The following ADAMTS18 variants were observed in gnomAD, a reference collection of about 807,000 sequenced individuals.
ADAMTS18 encodes the protein A disintegrin and metalloproteinase with thrombospondin motifs 18.
Under a neutral mutation model 165.9 loss-of-function variants are expected in ADAMTS18, and 157 were observed. That is an observed-to-expected ratio of 0.95 (90% CI 0.83 to 1.08). The LOEUF (loss-of-function observed/expected upper bound fraction) is 1.08. Ranked by LOEUF, ADAMTS18 falls within the 50% of genes least tolerant of loss-of-function variation. The pLI, the probability that ADAMTS18 is intolerant of heterozygous loss-of-function variation, is 0.00. For missense variants in ADAMTS18, 2,040 were observed against 1,534.0 expected (o/e 1.33, Z -5.51); for synonymous variants, 782 against 578.2 (o/e 1.35, Z -5.06).
intron 10 of ADAMTS18, among the ~76,000 whole-genome samples, chr16:77,344,005 T>G (rs1567499783): frequency 2.0e-5 from 3 of 151,496 alleles, no homozygotes; most frequent in Non-Finnish European, 4.4e-5. Flanking sequence ...TCATGTAGAT[T>G]TTACAGTTAG....
intron 16 of ADAMTS18, among the ~76,000 whole-genome samples, chr16:77,307,373 T>C (rs540231753): frequency 6.6e-6 from 1 of 152,340 alleles, no homozygotes; most frequent in Admixed American, 6.5e-5. Flanking sequence ...ATTGCTATTA[T>C]GTGTGAGTGA....
chr16:77,354,264 A>C (rs2144715111), intron 9 of ADAMTS18, among the ~76,000 whole-genome samples: 1 of 152,354 alleles, frequency 6.6e-6, no homozygotes, highest in South Asian at 2.1e-4. Context: ...AAAGGTACAA[A>C]ATAAACCAGA....
chr16:77,427,588 G>C lies in ADAMTS18; in HGVS notation c.495+3707C>G, dbSNP rs371513540. Among the ~76,000 whole-genome samples, 3 of 152,116 alleles carry C rather than the reference G, an allele frequency of 2.0e-5. No individual in the cohort carries two copies. The South Asian group carries it at 6.2e-4, about 32-fold the overall frequency. Reference sequence around the variant, plus strand: ...ATCCTAGCACCTTCACAGATTATAAGGCCACCTGGTATAAAAAACAGGGGT... The same window carrying C: ...ATCCTAGCACCTTCACAGATTATAACGCCACCTGGTATAAAAAACAGGGGT... On this transcript the variant is annotated intron_variant, in intron 3 of 22. Coordinates refer to ENST00000282849, the MANE Select transcript of ADAMTS18 (RefSeq NM_199355.4).
intron 3 of ADAMTS18, among the ~76,000 whole-genome samples, chr16:77,369,970 TCAA>T (rs2056853293): frequency 6.6e-6 from 1 of 151,994 alleles, no homozygotes; most frequent in South Asian, 2.1e-4. Flanking sequence ...ATTAACAGAA[TCAA>T]CAACGAAAAA....
chr16:77,382,136 A>T (rs2057039907), intron 3 of ADAMTS18, among the ~76,000 whole-genome samples: 1 of 152,232 alleles, frequency 6.6e-6, no homozygotes, highest in African/African-American at 2.4e-5. Flanking sequence ...ATCCACAATA[A>T]TAAAAGATAC....
Position 77,291,426 on chromosome 16 carries a change from T to C in ADAMTS18, c.3242A>G (p.Glu1081Gly), listed in dbSNP as rs1206105030. The C allele has an allele frequency of 6.2e-7, 1 of 1,614,196 alleles. No homozygotes were observed. The change falls in exon 21 of 23, where the codon GAG becomes GGG. Residue 1081 changes from glutamate (E) to glycine (G), a missense_variant. Transcript: ENST00000282849. Reference protein sequence around the residue: ...GVRKREMKCSEKGFQGKLITF... With the variant: ...GVRKREMKCSGKGFQGKLITF... Reference sequence around the variant, plus strand: ...TATCAGCTTTCCCTGGAAGCCCTTCTCGCTGCACTTCATCTCCCTCTTCCT... The same window carrying C: ...TATCAGCTTTCCCTGGAAGCCCTTCCCGCTGCACTTCATCTCCCTCTTCCT...
chr16:77,370,107 A>G (rs1046723292), intron 3 of ADAMTS18, among the ~76,000 whole-genome samples: 2 of 152,208 alleles, frequency 1.3e-5, no homozygotes, highest in African/African-American at 4.8e-5. Context: ...ATATATGACA[A>G]ACTCCCAGCT....
intron 19 of ADAMTS18, among the ~76,000 whole-genome samples, chr16:77,293,607 C>T (rs1465253533): frequency 1.3e-5 from 2 of 151,814 alleles, no homozygotes; most frequent in Non-Finnish European, 2.9e-5. Flanking sequence ...TCCCTCCTGA[C>T]CCCTAATTCC....
chr16:77,434,729 A>G lies in ADAMTS18; in HGVS notation c.-34T>C, dbSNP rs995120478. The G allele has an allele frequency of 1.3e-5, 18 of 1,409,264 alleles. No homozygotes were observed. The highest frequency in any genetic ancestry group is 1.7e-5 in the Non-Finnish European group (18 of 1,081,694). The allele number at this position is 1,409,264 out of a possible 1,614,324, so 87.3% of individuals were successfully genotyped here. A position where few individuals can be genotyped will look rare whatever the true frequency, so the allele number is the denominator to read the frequency against. The stretch of plus-strand genomic sequence containing the variant: ...GCGGACGCGGCGGCTGCGGGTGGCC[A>G]GACGCGGCAGGCGGAGCGCACGGGC... On this transcript the variant is annotated 5_prime_UTR_variant, in exon 1 of 23. Coordinates refer to ENST00000282849, the MANE Select transcript of ADAMTS18 (RefSeq NM_199355.4).
Position 77,353,827 on chromosome 16 carries a change from G to A in ADAMTS18, c.1520C>T (p.Pro507Leu), listed in dbSNP as rs747514231. The change falls in exon 10 of 23, where the codon CCG (proline) becomes CTG (leucine). Residue 507 changes from proline (P) to leucine (L), a missense_variant. Physicochemically the swap from Pro to Leu is moderately conservative, Grantham distance 98. Transcript: ENST00000282849. ...ATAAATCTGTCCTGGTAGTTTGTCCGGATATTTATACTGTCCTGCTTGCTT... is the reference window on the plus strand; with the variant it reads ...ATAAATCTGTCCTGGTAGTTTGTCCAGATATTTATACTGTCCTGCTTGCTT... Reference protein sequence around the residue: ...EPKQAGQYKYPDKLPGQIYDA... With the variant: ...EPKQAGQYKYLDKLPGQIYDA... 2.5e-5 allele frequency: 41 copies of A among 1,613,958 alleles called. No individual in the cohort carries two copies. The highest frequency in any genetic ancestry group is 2.5e-4 in the African/African-American group (19 of 74,902).
At chr16:77,411,220 C>A (rs1168583036) in intron 3 of ADAMTS18, among the ~76,000 whole-genome samples, 3 of 152,166 alleles carry the variant, frequency 2.0e-5, no homozygotes, top group African/African-American at 7.2e-5. Flanking sequence ...GGGTGCTCTT[C>A]CTGATCATAG....
At chr16:77,321,777 C>T (rs1041347292) in intron 14 of ADAMTS18, among the ~76,000 whole-genome samples, 1 of 152,166 alleles carries the variant, frequency 6.6e-6, no homozygotes, top group African/African-American at 2.4e-5. Context: ...ATAGCATCAT[C>T]TCCATTCTAT....
intron 3 of ADAMTS18, among the ~76,000 whole-genome samples, chr16:77,418,860 CCAATTATTCGCCGAG>C (rs2038838331): frequency 6.6e-6 from 1 of 152,140 alleles, no homozygotes. Context: ...TTAAAAACAC[CCAATTATTCGCCGAG>C]TGCGGCAGCT....
intron 3 of ADAMTS18, among the ~76,000 whole-genome samples, chr16:77,393,142 T>C (rs2057211676): frequency 6.6e-6 from 1 of 152,206 alleles, no homozygotes; most frequent in Admixed American, 6.5e-5. Flanking sequence ...CTGGTCACCA[T>C]GGAGGTGAAA....
Position 77,434,672 on chromosome 16 carries a change from C to A in ADAMTS18, c.24G>T (p.Ala8=), listed in dbSNP as rs1051108368. Residue 8 remains alanine, a synonymous_variant, in exon 1 of 23, where the codon GCG becomes GCT. Transcript: ENST00000282849. ...CCGAACCCGCAGCCGGGAAGGCACA[C>A]GCGAGCAGGAGGGCGCACTCCATGG... The part of the protein sequence containing the change: MECALLL[A]CAFPAAGSGP... The A allele has an allele frequency of 6.8e-7, 1 of 1,478,944 alleles. No individual in the cohort carries two copies. The highest frequency in any genetic ancestry group is 8.9e-7 in the Non-Finnish European group (1 of 1,121,622). 91.6% of individuals were successfully genotyped at this position (1,478,944 alleles called of 1,614,324 possible). A position where few individuals can be genotyped will look rare whatever the true frequency, so the allele number is the denominator to read the frequency against.
chr16:77,377,139 G>A (rs1002887384), intron 3 of ADAMTS18, among the ~76,000 whole-genome samples: 1 of 152,102 alleles, frequency 6.6e-6, no homozygotes, highest in Non-Finnish European at 1.5e-5. Flanking sequence ...AATTCTTAAA[G>A]GACTCATGCC....
chr16:77,356,098 C>T lies in ADAMTS18; in HGVS notation c.1323-21G>A, dbSNP rs983255766. On this transcript the variant is annotated intron_variant, in intron 8 of 22. Transcript: ENST00000282849. ...CAAAGCTGAAACAGAATGAAGAAAA[C>T]AAAATCCTGCTTTGTGAACCCATTT... is the stretch of plus-strand genomic sequence containing the variant. The T allele has an allele frequency of 2.5e-6, 4 of 1,613,922 alleles. No individual in the cohort carries two copies. In the Admixed American group the frequency reaches 5.0e-5, roughly 20 times the overall value.
intron 3 of ADAMTS18, among the ~76,000 whole-genome samples, chr16:77,425,066 G>A (rs1358497151): frequency 1.3e-5 from 2 of 152,156 alleles, no homozygotes; most frequent in African/African-American, 4.8e-5. Context: ...ACTTTTGAAA[G>A]GGGGAGATCA....
chr16:77,290,879 A>C (rs753215470), intron 21 of ADAMTS18: 9 of 265,194 alleles, frequency 3.4e-5, no homozygotes, highest in Non-Finnish European at 6.6e-5. Context: ...TACATTGTTC[A>C]GAAACATGAT....
Sources: allele counts gnomAD v4.1 joint callset (sites outside exome capture counted in the v4.1 genomes callset), GRCh38; gene constraint gnomAD v4.1.1; transcripts MANE v1.5; gene names NCBI Gene and HGNC (gene_info 2026-07-23, HGNC 2026-07-21).